Variants in PRKN observed in about 807,000 individuals in gnomAD.
PRKN encodes the protein parkin RBR E3 ubiquitin protein ligase, also known as E3 ubiquitin-protein ligase parkin.
PRKN carries 56 observed loss-of-function variants against 59.5 expected under a neutral mutation model. The observed-to-expected ratio is 0.94, with a 90% CI of 0.76 to 1.18. The LOEUF (loss-of-function observed/expected upper bound fraction) is 1.18. Among genes scored for constraint, PRKN ranks in the 50% most tolerant of loss-of-function variants. The probability of loss-of-function intolerance (pLI) is 0.00; values close to 1 mark genes in which losing one functional copy is unlikely to be tolerated. For synonymous variants in PRKN, 250 were observed against 222.1 expected, an observed-to-expected ratio of 1.13 and a Z score of -1.12; for missense variants, 657 against 596.4, an observed-to-expected ratio of 1.10 and a Z score of -1.06.
chr6:162,511,482 T>C (rs1202207863), intron 1 of PRKN, among the ~76,000 whole-genome samples: 1 of 152,180 alleles, frequency 6.6e-6, no homozygotes, highest in Non-Finnish European at 1.5e-5. Context: ...CTCACAGTTT[T>C]CATGTGATTT....
chr6:162,373,704 T>C (rs911008332), intron 2 of PRKN, among the ~76,000 whole-genome samples: 14 of 152,110 alleles, frequency 9.2e-5, no homozygotes, highest in African/African-American at 3.4e-4. Context: ...CCTGGTGACA[T>C]AGAAGAACAA....
chr6:162,201,945 C>A lies in PRKN; in HGVS notation c.413-693G>T, dbSNP rs1296135065. On this transcript the variant is annotated intron_variant, in intron 3 of 11. Transcript: ENST00000366898. The stretch of plus-strand genomic sequence containing the variant: ...TCAATAGTTCAATCTCAGATCATTT[C>A]TCTCAACTGTCACCATATAGGGACA... 2.6e-5 allele frequency among the ~76,000 whole-genome samples: 4 copies of A among 152,136 alleles called. 1 individual carries two copies. Among genetic ancestry groups the A allele is most frequent in the Admixed American group, 6.6e-5 (1 of 15,258 alleles).
At chr6:161,846,825 T>TCCC (rs1279415878) in intron 6 of PRKN, among the ~76,000 whole-genome samples, 1 of 152,150 alleles carries the variant, frequency 6.6e-6, no homozygotes, top group Non-Finnish European at 1.5e-5. Flanking sequence ...AAACCTAGTT[T>TCCC]TTAATCTATT....
intron 1 of PRKN, chr6:162,727,283 A>AGGGGCGAAGGTGAGGGGTGGCGGC: frequency 3.8e-6 from 1 of 265,568 alleles, no homozygotes; most frequent in Non-Finnish European, 6.9e-6. Context: ...CAGTGAGGTG[A>AGGGGCGAAGGTGAGGGGTGGCGGC]GGGGCGAAGG....
chr6:161,849,316 T>A (rs1159088059), intron 6 of PRKN, among the ~76,000 whole-genome samples: 5 of 152,198 alleles, frequency 3.3e-5, no homozygotes, highest in Non-Finnish European at 7.3e-5. Flanking sequence ...GTTTTAGAAT[T>A]CTTTTTTGTC....
chr6:162,350,496 G>A (rs1348235389), intron 2 of PRKN, among the ~76,000 whole-genome samples: 1 of 152,114 alleles, frequency 6.6e-6, no homozygotes, highest in Non-Finnish European at 1.5e-5. Flanking sequence ...TAGATCAATA[G>A]AACAGAAGAC....
At chr6:161,819,490 CA>C (rs972186417) in intron 6 of PRKN, among the ~76,000 whole-genome samples, 6 of 151,200 alleles carry the variant, frequency 4.0e-5, no homozygotes, top group African/African-American at 1.2e-4. Flanking sequence ...GACTCTGTCT[CA>C]AAAAAATAAA....
intron 1 of PRKN, among the ~76,000 whole-genome samples, chr6:162,550,569 G>A (rs1400105438): frequency 6.6e-6 from 1 of 152,172 alleles, no homozygotes; most frequent in South Asian, 2.1e-4. Context: ...GTCACCAGGC[G>A]AGGCTGGGCT....
At chr6:162,645,871 T>C (rs34533163) in intron 1 of PRKN, among the ~76,000 whole-genome samples, 19,001 of 118,118 alleles carry the variant, frequency 0.16, 1,073 homozygotes, top group African/African-American at 0.28. Flanking sequence ...ACTTTCTCTT[T>C]TTTTTTTTTT....
Position 162,092,360 on chromosome 6 carries a change from A to G in PRKN, c.535-38186T>C, listed in dbSNP as rs75856612. Among the ~76,000 whole-genome samples, 937 of 150,642 alleles carry G rather than the reference A, an allele frequency of 6.2e-3. 5 individuals carry two copies. The highest frequency in any genetic ancestry group is 0.031 in the Middle Eastern group (9 of 288). ...CAGAGTGAGTCTAATGAAAAAATAA[A>G]AAATAAAAAAATGAAAAAAAAGTTT... On this transcript the variant is annotated intron_variant, in intron 4 of 11. Transcript: ENST00000366898.
intron 1 of PRKN, among the ~76,000 whole-genome samples, chr6:162,661,913 T>C (rs1157000102): frequency 6.6e-6 from 1 of 152,160 alleles, no homozygotes; most frequent in East Asian, 1.9e-4. Flanking sequence ...GCTTTTGATG[T>C]ATTCATCACT....
rs114944600 is a variant in PRKN, at chr6:161,560,790, C to T, written c.933+8565G>A. Among the ~76,000 whole-genome samples the T allele has an allele frequency of 7.9e-3, 1,201 of 152,274 alleles. 16 individuals are homozygous for T. The highest frequency in any genetic ancestry group is 0.027 in the African/African-American group (1,142 of 41,562). ...CTTAAATTCTTCAACTTCATCAAGA[C>T]GTCTAATTAATTGGCCCCATATTTC... On this transcript the variant is annotated intron_variant, in intron 8 of 11. Coordinates refer to ENST00000366898, the MANE Select transcript of PRKN (RefSeq NM_004562.3). The surrounding 1 kb of genome is among the most constrained non-coding windows in gnomAD (Gnocchi z 4.9).
At chr6:161,492,939 T>C (rs1777613975) in intron 9 of PRKN, among the ~76,000 whole-genome samples, 2 of 152,216 alleles carry the variant, frequency 1.3e-5, no homozygotes, top group Admixed American at 1.3e-4. Flanking sequence ...TGTTTTATGA[T>C]TTTATAATAT....
intron 7 of PRKN, among the ~76,000 whole-genome samples, chr6:161,679,186 T>C (rs1382437382): frequency 5.3e-5 from 8 of 152,194 alleles, no homozygotes; most frequent in South Asian, 2.1e-4. Flanking sequence ...CGCCAAGTGA[T>C]GGGTTTGGGC....
chr6:162,262,341 A>ATT (rs1779922835), intron 3 of PRKN, 184 bp downstream of exon 3: 3 of 746,712 alleles, frequency 4.0e-6, no homozygotes, highest in Non-Finnish European at 7.2e-6. Flanking sequence ...TACTTACAAT[A>ATT]AATGCATTCT....
chr6:162,279,057 G>A (rs1780762377), intron 2 of PRKN, among the ~76,000 whole-genome samples: 1 of 152,122 alleles, frequency 6.6e-6, no homozygotes, highest in African/African-American at 2.4e-5. Flanking sequence ...TTGGCGAGGT[G>A]AGGTGGCTCA....
intron 1 of PRKN, among the ~76,000 whole-genome samples, chr6:162,657,176 A>G (rs893941412): frequency 2.6e-5 from 4 of 152,222 alleles, no homozygotes; most frequent in Non-Finnish European, 4.4e-5. Context: ...GAAAAAATGA[A>G]TACATTGATG....
At chr6:162,040,358 C>T (rs1043590686) in intron 5 of PRKN, among the ~76,000 whole-genome samples, 1 of 151,488 alleles carries the variant, frequency 6.6e-6, no homozygotes, top group Non-Finnish European at 1.5e-5. Flanking sequence ...TTCTTAGAAA[C>T]AAGTCACTAA....
At chr6:162,223,113 G>T (rs941249583) in intron 3 of PRKN, among the ~76,000 whole-genome samples, 2 of 150,742 alleles carry the variant, frequency 1.3e-5, no homozygotes, top group East Asian at 2.0e-4. Flanking sequence ...GCGGTGTTTG[G>T]TTTTTTGTCC....
Sources: gnomAD v4.1 joint callset for allele counts (sites outside exome capture counted in the v4.1 genomes callset) on GRCh38, gnomAD v4.1.1 for gene constraint, Gnocchi (gnomAD v3.1) non-coding constraint, MANE v1.5 for transcripts, NCBI Gene and HGNC (gene_info 2026-07-23, HGNC 2026-07-21) for gene names.